The following SGIP1 variants were observed in gnomAD, a reference collection of about 807,000 sequenced individuals.
The protein encoded by SGIP1 is SH3-containing GRB2-like protein 3-interacting protein 1.
A neutral mutation model predicts 107.5 loss-of-function variants in SGIP1; 38 were observed. The ratio of observed to expected loss-of-function variants is 0.35; its 90% CI spans 0.27 to 0.46. The LOEUF is 0.46. Among genes scored for constraint, SGIP1 ranks in the 20% least tolerant of loss-of-function variants. The pLI is 1.00. For synonymous variants in SGIP1, 365 were observed against 366.1 expected, an observed-to-expected ratio of 1.00 and a Z score of 0.03; for missense variants, 929 against 1,019.5, an observed-to-expected ratio of 0.91 and a Z score of 1.21.
chr1:66,594,991 A>G (rs2064343439), intron 1 of SGIP1, among the ~76,000 whole-genome samples: 1 of 152,188 alleles, frequency 6.6e-6, no homozygotes, highest in African/African-American at 2.4e-5. Context: ...GAGTCAGACT[A>G]AAATGGAATC....
At chr1:66,630,866 A>G (rs898843712) in intron 2 of SGIP1, among the ~76,000 whole-genome samples, 6 of 48,254 alleles carry the variant, frequency 1.2e-4, no homozygotes, top group African/African-American at 2.1e-4. Context: ...AAAGAAAGAA[A>G]GAAAGAAAGA....
At chr1:66,569,748 T>A (rs61599553) in intron 1 of SGIP1, among the ~76,000 whole-genome samples, 1 of 151,744 alleles carries the variant, frequency 6.6e-6, no homozygotes, top group Non-Finnish European at 1.5e-5. Context: ...CATAAATGAG[T>A]TAGTAAATAT....
At chr1:66,736,562 G>A (rs1434894505) in intron 21 of SGIP1, among the ~76,000 whole-genome samples, 2 of 39,830 alleles carry the variant, frequency 5.0e-5, no homozygotes, top group African/African-American at 9.1e-5. Context: ...AATATATTGC[G>A]TATTATATGT....
In SGIP1 at chr1:66,673,316, C is replaced by T. The variant is rs1034323760; in HGVS notation, c.596C>T (p.Pro199Leu). The T allele has an allele frequency of 6.2e-7, 1 of 1,613,784 alleles. No individual in the cohort carries two copies. The highest frequency in any genetic ancestry group is 8.5e-7 in the Non-Finnish European group (1 of 1,179,922). The change falls in exon 12 of 25, where the codon CCT (proline) becomes CTT (leucine). Residue 199 changes from proline to leucine, a missense_variant. Transcript: ENST00000371037. ...CCAGATGACACTACGGCCCTTGCTCCTCTCTTTGGCCCACCACTAGAATCA... is the reference window on the plus strand; with the variant it reads ...CCAGATGACACTACGGCCCTTGCTCTTCTCTTTGGCCCACCACTAGAATCA... ...KPPDDTTALA[P>L]LFGPPLESAF...
chr1:66,543,657 T>C (rs915288846), intron 1 of SGIP1, among the ~76,000 whole-genome samples: 1 of 151,968 alleles, frequency 6.6e-6, no homozygotes, highest in African/African-American at 2.4e-5. Flanking sequence ...CATTTATAGC[T>C]CTCTCCCCTG....
chr1:66,586,254 C>T (rs1304951757), intron 1 of SGIP1, among the ~76,000 whole-genome samples: 1 of 152,094 alleles, frequency 6.6e-6, no homozygotes, highest in Non-Finnish European at 1.5e-5. Flanking sequence ...TTCTTGTACA[C>T]ATTATATAGA....
intron 7 of SGIP1, among the ~76,000 whole-genome samples, chr1:66,657,301 A>T (rs993249343): frequency 6.6e-6 from 1 of 152,156 alleles, no homozygotes; most frequent in Non-Finnish European, 1.5e-5. Flanking sequence ...TTATGTCTTG[A>T]TCCCACTCTA....
At chr1:66,545,628 T>TTGTGTGTGTGTGTGTGTGTGTG (rs769603266) in intron 1 of SGIP1, among the ~76,000 whole-genome samples, 1 of 138,942 alleles carries the variant, frequency 7.2e-6, no homozygotes, top group Non-Finnish European at 1.5e-5. Context: ...ACTGAACAAA[T>TTGTGTGTGTGTGTGTGTGTGTG]TGTGTGTGTG....
At chr1:66,670,592 G>A (rs17129315) in intron 9 of SGIP1, among the ~76,000 whole-genome samples, 11,923 of 152,212 alleles carry the variant, frequency 0.078, 487 homozygotes, top group South Asian at 0.098. Flanking sequence ...ACCACACCTG[G>A]CAAGGAGCAT....
chr1:66,535,890 C>T (rs1263492910), intron 1 of SGIP1, among the ~76,000 whole-genome samples: 1 of 83,388 alleles, frequency 1.2e-5, no homozygotes. Flanking sequence ...ATTTCTCCAG[C>T]TCAACTTCAT....
intron 1 of SGIP1, among the ~76,000 whole-genome samples, chr1:66,605,027 T>C (rs994129989): frequency 1.3e-5 from 2 of 152,190 alleles, no homozygotes; most frequent in East Asian, 3.8e-4. Context: ...GCTCTTCACT[T>C]CATCTTCCCT....
At chr1:66,622,951 CTT>C (rs1488321616) in intron 1 of SGIP1, among the ~76,000 whole-genome samples, 2 of 152,126 alleles carry the variant, frequency 1.3e-5, no homozygotes, top group East Asian at 3.9e-4. Flanking sequence ...GTTTTTAAAA[CTT>C]ATCGGATTAT....
At chr1:66,660,471 T>A in intron 7 of SGIP1, 42 bp from the exon 8 acceptor site, 1 of 1,589,858 alleles carries the variant, frequency 6.3e-7, no homozygotes, top group Non-Finnish European at 8.6e-7. Flanking sequence ...TTCACCTCTC[T>A]CATTTTCTCT....
At chr1:66,611,880 C>T (rs949831316) in intron 1 of SGIP1, among the ~76,000 whole-genome samples, 25 of 152,146 alleles carry the variant, frequency 1.6e-4, no homozygotes, top group Admixed American at 1.6e-3. Flanking sequence ...TTAGTTTATA[C>T]ATGCCTCATG....
At chr1:66,688,133 G>A (rs2088902449) in intron 15 of SGIP1, among the ~76,000 whole-genome samples, 1 of 152,168 alleles carries the variant, frequency 6.6e-6, no homozygotes, top group African/African-American at 2.4e-5. Flanking sequence ...GGGGGATGAA[G>A]TGTGGATATT....
upstream of SGIP1, among the ~76,000 whole-genome samples, chr1:66,533,823 T>G (rs2052924809): frequency 6.6e-6 from 1 of 152,112 alleles, no homozygotes; most frequent in Admixed American, 6.5e-5. Context: ...AGGTGCTGCT[T>G]TCACGCCAGA....
At chr1:66,592,013 C>T (rs1233823609) in intron 1 of SGIP1, among the ~76,000 whole-genome samples, 1 of 152,206 alleles carries the variant, frequency 6.6e-6, no homozygotes, top group Non-Finnish European at 1.5e-5. Context: ...ATAGAATGCA[C>T]GATGGGGTTT....
At chr1:66,739,577 G>C in intron 22 of SGIP1, 40 bp downstream of exon 22, 3 of 1,601,704 alleles carry the variant, frequency 1.9e-6, no homozygotes, top group Admixed American at 1.7e-5. Flanking sequence ...GGGCTCCTCT[G>C]GGTCAAGAGG....
At chr1:66,706,707 A>G (rs145332944) in intron 18 of SGIP1, among the ~76,000 whole-genome samples, 1 of 152,154 alleles carries the variant, frequency 6.6e-6, no homozygotes, top group East Asian at 1.9e-4. Context: ...AAAAAGATCT[A>G]TAATCAAATA....
Sources: allele counts gnomAD v4.1 joint callset (sites outside exome capture counted in the v4.1 genomes callset), GRCh38; gene constraint gnomAD v4.1.1; transcripts MANE v1.5; gene names NCBI Gene and HGNC (gene_info 2026-07-23, HGNC 2026-07-21).